The following MMP8 variants were observed in gnomAD, a reference collection of about 807,000 sequenced individuals.
MMP8 encodes matrix metallopeptidase 8.
MMP8 carries 67 observed loss-of-function variants against 51.2 expected under a neutral mutation model. The observed-to-expected ratio is 1.31, with a 90% CI of 1.08 to 1.60. The LOEUF (loss-of-function observed/expected upper bound fraction) is 1.60. Ranked by LOEUF, MMP8 falls within the 40% of genes most tolerant of loss-of-function variation. The pLI is 0.00. For synonymous variants in MMP8, 225 were observed against 191.0 expected (o/e 1.18, Z -1.47); for missense variants, 654 against 558.1 (o/e 1.17, Z -1.73).
chr11:102,721,303 A>G (rs1861460862), intron 4 of MMP8, 98 bp downstream of exon 4: 12 of 1,466,542 alleles, frequency 8.2e-6, no homozygotes, highest in Non-Finnish European at 1.0e-5. Context: ...AGTTTGAAAT[A>G]TTATGTTACC....
At chr11:102,722,847 C>T in intron 1 of MMP8, 174 bp from the exon 2 acceptor site, 1 of 1,089,520 alleles carries the variant, frequency 9.2e-7, no homozygotes, top group Non-Finnish European at 1.3e-6. Flanking sequence ...TTAGAAAGAA[C>T]AGTTCCTCCA....
chr11:102,718,553 A>G lies in MMP8; in HGVS notation c.645T>C (p.Ala215=). 1 of 1,613,948 alleles carries G rather than the reference A, an allele frequency of 6.2e-7. No homozygotes were observed. The highest frequency in any genetic ancestry group is 8.5e-7 in the Non-Finnish European group (1 of 1,179,856). The change falls in exon 5 of 10, where the codon GCT becomes GCC. Residue 215 remains alanine (A), a synonymous_variant. Transcript: ENST00000236826. ...TSANYNLFLV[A]AHEFGHSLGL... ...CCAAAGAATGGCCAAATTCATGAGCAGCAACAAGAAACAAGTTGTAATCTG... is the reference window on the plus strand; with the variant it reads ...CCAAAGAATGGCCAAATTCATGAGCGGCAACAAGAAACAAGTTGTAATCTG...
intron 8 of MMP8, 46 bp from the exon 9 acceptor site, chr11:102,713,903 T>C (rs888594284): frequency 1.4e-6 from 2 of 1,458,996 alleles, no homozygotes; most frequent in East Asian, 2.3e-5. Flanking sequence ...ATACAGAATA[T>C]AACGAAAAAA....
In MMP8 at chr11:102,722,536, C is replaced by A. The variant is rs767397023; in HGVS notation, c.240G>T (p.Glu80Asp). 4 of 1,613,930 alleles carry A rather than the reference C, an allele frequency of 2.5e-6. No homozygotes were observed. In the Admixed American group the frequency reaches 6.7e-5, roughly 27 times the overall value. Residue 80 changes from glutamate to aspartate, a missense_variant, in exon 2 of 10, where the codon GAG becomes GAT. Coordinates refer to ENST00000236826, the MANE Select transcript of MMP8 (RefSeq NM_002424.3). ...FGLNVTGKPN[E>D]ETLDMMKKPR... is the part of the protein sequence containing the mutation. The stretch of plus-strand genomic sequence containing the variant: ...GCTTTTTCATCATGTCCAGAGTTTC[C>A]TCATTTGGCTTCCCCGTCACATTCA...
intron 4 of MMP8, among the ~76,000 whole-genome samples, chr11:102,720,166 A>C (rs376749840): frequency 6.6e-6 from 1 of 152,234 alleles, no homozygotes; most frequent in Non-Finnish European, 1.5e-5. Context: ...AAGCACCAAG[A>C]GCCTTCAATA....
rs940742024 is a variant in MMP8, at chr11:102,723,752, G to A, written c.102+1002C>T. ...TTAATGACCTAAGTACTTCTTAAAG[G>A]ACCCACTGTCACATGGGCTACTAAA... On this transcript the variant is annotated intron_variant, in intron 1 of 9. Transcript: ENST00000236826. The A allele has an allele frequency of 1.1e-5, 3 of 274,432 alleles. No individual in the cohort carries two copies. The Admixed American group carries it at 1.4e-4, about 13-fold the overall frequency. The allele number at this position is 274,432 out of a possible 1,614,324, so 17.0% of individuals were successfully genotyped here.
chr11:102,719,394 T>TA (rs35260712), intron 4 of MMP8, among the ~76,000 whole-genome samples: 1 of 149,108 alleles, frequency 6.7e-6, no homozygotes, highest in African/African-American at 2.6e-5. Flanking sequence ...TGCCTACTTT[T>TA]AAAAAAAGCC....
In MMP8 at chr11:102,722,599, G is replaced by A. The variant is rs770460574; in HGVS notation, c.177C>T (p.Ile59=). 39 of 1,613,726 alleles carry A rather than the reference G, an allele frequency of 2.4e-5. 1 individual carries two copies. The Admixed American group carries it at 2.8e-4, about 12-fold the overall frequency. ...GCTGCATTTCTTTAAGCTTTTCAAC[G>A]ATCACATTAGTGCCATTCTTCCTTG... ...QSTRKNGTNV[I]VEKLKEMQRF... The change falls in exon 2 of 10, where the codon ATC becomes ATT. Residue 59 remains isoleucine (I), a synonymous_variant. Transcript: ENST00000236826.
intron 4 of MMP8, among the ~76,000 whole-genome samples, chr11:102,719,829 C>A (rs1861416440): frequency 6.6e-6 from 1 of 152,192 alleles, no homozygotes; most frequent in South Asian, 2.1e-4. Context: ...TGTGTGCAAA[C>A]AACTTGAAAG....
At position 102,722,603 on chromosome 11, in the gene MMP8, A is replaced by C. The variant is rs1394088593; in HGVS notation, c.173T>G (p.Val58Gly). 8 of 1,613,974 alleles carry C rather than the reference A, an allele frequency of 5.0e-6. No homozygotes were observed. The African/African-American group carries it at 6.7e-5, about 13-fold the overall frequency. The change falls in exon 2 of 10, where the codon GTG (valine) becomes GGG (glycine). Residue 58 changes from valine (V) to glycine (G), a missense_variant. Physicochemically the swap from Val to Gly is moderately radical, Grantham distance 109 (BLOSUM62 -3). Transcript: ENST00000236826. ...YQSTRKNGTN[V>G]IVEKLKEMQR... ...CATTTCTTTAAGCTTTTCAACGATC[A>C]CATTAGTGCCATTCTTCCTTGTAGA...
chr11:102,715,429 C>G lies in MMP8; in HGVS notation c.911G>C (p.Trp304Ser). The change falls in exon 7 of 10, where the codon TGG (tryptophan) becomes TCG (serine). Residue 304 changes from tryptophan to serine, a missense_variant. Transcript: ENST00000236826. ...TCTTTGTAGCTGAGGATGCCTTCTC[C>G]AGAAGTACCTAACGGAACATAAGGA... is the stretch of plus-strand genomic sequence containing the variant. ...EILFFKDRYF[W>S]RRHPQLQRVE... The G allele has an allele frequency of 6.2e-7, 1 of 1,612,484 alleles. No individual in the cohort carries two copies. Among genetic ancestry groups the G allele is most frequent in the Non-Finnish European group, 8.5e-7 (1 of 1,179,294 alleles).
chr11:102,719,389 A>C (rs1390716366), intron 4 of MMP8, among the ~76,000 whole-genome samples: 1 of 149,220 alleles, frequency 6.7e-6, no homozygotes, highest in Non-Finnish European at 1.5e-5. Flanking sequence ...GTATATGCCT[A>C]CTTTTAAAAA....
intron 1 of MMP8, 149 bp downstream of exon 1, chr11:102,724,605 C>T: frequency 1.6e-6 from 1 of 633,334 alleles, no homozygotes; most frequent in Non-Finnish European, 2.5e-6. Context: ...CAGCTTGGAA[C>T]CCTCCAAATC....
At chr11:102,720,814 T>C (rs781592815) in intron 4 of MMP8, among the ~76,000 whole-genome samples, 3 of 152,194 alleles carry the variant, frequency 2.0e-5, no homozygotes, top group Non-Finnish European at 4.4e-5. Flanking sequence ...TTATAGAAAT[T>C]ATAATTTCTA....
At chr11:102,717,465 T>A (rs1213982346) in intron 5 of MMP8, among the ~76,000 whole-genome samples, 1 of 152,238 alleles carries the variant, frequency 6.6e-6, no homozygotes, top group Non-Finnish European at 1.5e-5. Flanking sequence ...TTATATATTG[T>A]GTAATTTAAT....
intron 8 of MMP8, 55 bp downstream of exon 8, chr11:102,714,501 G>A: frequency 2.4e-6 from 3 of 1,224,900 alleles, no homozygotes; most frequent in Non-Finnish European, 1.1e-6. Flanking sequence ...AGGTTTGTAA[G>A]CAGGGTAGAG....
chr11:102,717,754 T>A (rs1861341419), intron 5 of MMP8, among the ~76,000 whole-genome samples: 1 of 152,216 alleles, frequency 6.6e-6, no homozygotes, highest in African/African-American at 2.4e-5. Flanking sequence ...ATTTCTTTGA[T>A]AGATACATCT....
At chr11:102,716,226 G>A (rs1861288400) in intron 6 of MMP8, 76 bp downstream of exon 6, 4 of 1,054,352 alleles carry the variant, frequency 3.8e-6, no homozygotes, top group South Asian at 1.5e-5. Flanking sequence ...GGTGACTAAC[G>A]TGTGACTTAA....
intron 5 of MMP8, among the ~76,000 whole-genome samples, chr11:102,718,107 C>T (rs1193913212): frequency 4.0e-5 from 6 of 150,840 alleles, no homozygotes; most frequent in Non-Finnish European, 8.8e-5. Flanking sequence ...ACTCCATCCC[C>T]CCCCCCAAAA....
Sources: gnomAD v4.1 joint callset for allele counts (sites outside exome capture counted in the v4.1 genomes callset) on GRCh38, gnomAD v4.1.1 for gene constraint, MANE v1.5 for transcripts, NCBI Gene and HGNC (gene_info 2026-07-23, HGNC 2026-07-21) for gene names.